OTUD7A: variants seen among roughly 807,000 people sequenced by gnomAD.
OTUD7A encodes OTU domain-containing protein 7A.
Under a neutral mutation model 65.7 loss-of-function variants are expected in OTUD7A, and 12 were observed. The observed-to-expected ratio is 0.18, with a 90% CI of 0.12 to 0.30. The LOEUF (loss-of-function observed/expected upper bound fraction) is 0.30. Among genes scored for constraint, OTUD7A ranks in the 10% least tolerant of loss-of-function variants. The probability of loss-of-function intolerance (pLI) is 1.00; values close to 1 mark genes in which losing one functional copy is unlikely to be tolerated. For synonymous variants in OTUD7A, 641 were observed against 586.3 expected (o/e 1.09, Z -1.35); for missense variants, 1,148 against 1,304.8 (o/e 0.88, Z 1.85).
chr15:31,739,183 C>T (rs1595737774), intron 1 of OTUD7A, among the ~76,000 whole-genome samples: 1 of 152,190 alleles, frequency 6.6e-6, no homozygotes, highest in Non-Finnish European at 1.5e-5. Context: ...ACTCAAAACT[C>T]TCATAGTACT....
intron 1 of OTUD7A, among the ~76,000 whole-genome samples, chr15:31,774,866 C>T (rs1320541303): frequency 1.3e-5 from 2 of 151,420 alleles, no homozygotes; most frequent in African/African-American, 2.4e-5. Context: ...CCACAGACCA[C>T]CCAAGTGGAT....
In OTUD7A at chr15:31,546,881, G is replaced by T. The variant is rs773080076; in HGVS notation, c.550+12088C>A. Among the ~76,000 whole-genome samples, 5 of 152,206 alleles carry T rather than the reference G, an allele frequency of 3.3e-5. 1 individual carries two copies. The highest frequency in any genetic ancestry group is 3.3e-4 in the Admixed American group (5 of 15,278). On this transcript the variant is annotated intron_variant, in intron 5 of 12. Transcript: ENST00000307050. Reference sequence around the variant, plus strand: ...AGAATCCAGAACTTAACCCATTCATGATTCCATTTATATAAAGCTCAAAAA... The same window carrying T: ...AGAATCCAGAACTTAACCCATTCATTATTCCATTTATATAAAGCTCAAAAA...
intron 1 of OTUD7A, among the ~76,000 whole-genome samples, chr15:31,855,919 C>T (rs149994555): frequency 7.2e-5 from 11 of 152,320 alleles, no homozygotes; most frequent in Admixed American, 6.5e-4. Flanking sequence ...TTCCTGGGCA[C>T]TCAGCTAACC....
At chr15:31,643,806 G>A (rs939000913) in intron 3 of OTUD7A, among the ~76,000 whole-genome samples, 11 of 152,208 alleles carry the variant, frequency 7.2e-5, no homozygotes, top group Non-Finnish European at 5.9e-5. Flanking sequence ...ACTTTTGAGA[G>A]AGGAGGTAAA....
At chr15:31,785,715 A>G (rs749024274) in intron 1 of OTUD7A, among the ~76,000 whole-genome samples, 29 of 152,204 alleles carry the variant, frequency 1.9e-4, no homozygotes, top group Non-Finnish European at 3.1e-4. Flanking sequence ...GTCTGTTTGC[A>G]AAGCAGTGAG....
intron 4 of OTUD7A, among the ~76,000 whole-genome samples, chr15:31,562,259 T>C (rs1888715406): frequency 6.6e-6 from 1 of 151,476 alleles, no homozygotes; most frequent in Non-Finnish European, 1.5e-5. Context: ...ACCTCTCCTA[T>C]GCGGAGCAGC....
chr15:31,832,541 C>A (rs1896959235), intron 1 of OTUD7A, among the ~76,000 whole-genome samples: 1 of 152,174 alleles, frequency 6.6e-6, no homozygotes, highest in Admixed American at 6.5e-5. Context: ...GTTGTACAAC[C>A]ATCAACAGAA....
At chr15:31,658,233 A>C (rs1213863488) in intron 1 of OTUD7A, among the ~76,000 whole-genome samples, 1 of 152,212 alleles carries the variant, frequency 6.6e-6, no homozygotes, top group Non-Finnish European at 1.5e-5. Context: ...CCCATAGTAC[A>C]TGCTCAATAT....
chr15:31,845,347 T>C (rs1158968274), intron 1 of OTUD7A, among the ~76,000 whole-genome samples: 2 of 152,204 alleles, frequency 1.3e-5, no homozygotes, highest in East Asian at 1.9e-4. Context: ...GTGCAGATTC[T>C]GGCCCCTACT....
intron 5 of OTUD7A, among the ~76,000 whole-genome samples, chr15:31,536,113 G>A (rs1383736965): frequency 1.3e-5 from 2 of 152,222 alleles, no homozygotes; most frequent in Non-Finnish European, 2.9e-5. Context: ...GAGGGAAATG[G>A]GTGAATAGCA....
At chr15:31,653,521 T>C (rs1203923849) in intron 3 of OTUD7A, among the ~76,000 whole-genome samples, 2 of 143,534 alleles carry the variant, frequency 1.4e-5, no homozygotes, top group Non-Finnish European at 3.1e-5. Context: ...GATTAGGCTC[T>C]GTAGGACATT....
intron 8 of OTUD7A, among the ~76,000 whole-genome samples, chr15:31,511,782 A>C (rs62004093): frequency 0.023 from 964 of 41,552 alleles, 31 homozygotes; most frequent in East Asian, 0.047. Context: ...ATATGTATAT[A>C]TATTTTACTA....
chr15:31,764,831 C>T (rs1391560505), intron 1 of OTUD7A, among the ~76,000 whole-genome samples: 2 of 152,108 alleles, frequency 1.3e-5, no homozygotes. Flanking sequence ...AGTTTGAAAA[C>T]CACTAGCTTA....
At chr15:31,593,535 A>G (rs951977764) in intron 3 of OTUD7A, among the ~76,000 whole-genome samples, 2 of 151,926 alleles carry the variant, frequency 1.3e-5, no homozygotes, top group Middle Eastern at 3.2e-3. Context: ...ATATGTAAAA[A>G]CTTGAATTTG....
chr15:31,809,896 A>G (rs1032833591), intron 1 of OTUD7A, among the ~76,000 whole-genome samples: 9 of 152,238 alleles, frequency 5.9e-5, no homozygotes. Context: ...GTGTATAACT[A>G]TTTCTTAGTC....
At position 31,487,333 on chromosome 15, in the gene OTUD7A, C is replaced by A. The variant is rs748722807; in HGVS notation, c.1287-55G>T. On this transcript the variant is annotated intron_variant, in intron 11 of 12. Coordinates refer to ENST00000307050, the MANE Select transcript of OTUD7A (RefSeq NM_001382637.1). The surrounding 1 kb of genome is among the most constrained non-coding windows in gnomAD (Gnocchi z 6.0). ...GGTCTGAGCTGGCCCTTATAGCACCCAGTCCACTTGCATGCCAGCTGTCCC... is the reference window on the plus strand; with the variant it reads ...GGTCTGAGCTGGCCCTTATAGCACCAAGTCCACTTGCATGCCAGCTGTCCC... The A allele has an allele frequency of 8.8e-6, 14 of 1,595,888 alleles. No homozygotes were observed. The highest frequency in any genetic ancestry group is 1.1e-5 in the Non-Finnish European group (13 of 1,165,008).
chr15:31,597,591 G>T (rs1406741508), intron 3 of OTUD7A, among the ~76,000 whole-genome samples: 1 of 151,788 alleles, frequency 6.6e-6, no homozygotes, highest in African/African-American at 2.4e-5. Flanking sequence ...CCTGTTCTGG[G>T]ATACACGGTC....
At chr15:31,723,898 C>G in intron 1 of OTUD7A, among the ~76,000 whole-genome samples, 1 of 92,754 alleles carries the variant, frequency 1.1e-5, no homozygotes, top group South Asian at 4.6e-4. Context: ...CAGTCACTAG[C>G]CAGGTGAGTG....
intron 4 of OTUD7A, among the ~76,000 whole-genome samples, chr15:31,566,805 T>G (rs184573345): frequency 6.6e-6 from 1 of 152,310 alleles, no homozygotes; most frequent in East Asian, 1.9e-4. Flanking sequence ...GCTCTGGCCA[T>G]GTAAAGTGCC....
Sources: allele counts gnomAD v4.1 joint callset (sites outside exome capture counted in the v4.1 genomes callset), GRCh38; gene constraint gnomAD v4.1.1; non-coding constraint Gnocchi (gnomAD v3.1); transcripts MANE v1.5; gene names NCBI Gene and HGNC (gene_info 2026-07-23, HGNC 2026-07-21).